The following PLPPR5 variants were observed in gnomAD, a reference collection of about 807,000 sequenced individuals.
The protein encoded by PLPPR5 is phospholipid phosphatase related 5.
PLPPR5 carries 16 observed loss-of-function variants against 33.9 expected under a neutral mutation model. The ratio of observed to expected loss-of-function variants is 0.47; its 90% confidence interval spans 0.32 to 0.72. The LOEUF is 0.72. PLPPR5 is among the 30% of genes least tolerant of loss of function. The probability of loss-of-function intolerance (pLI) is 0.03; values close to 1 mark genes in which losing one functional copy is unlikely to be tolerated. For missense variants in PLPPR5, 301 were observed against 406.7 expected (o/e 0.74, Z 2.23); for synonymous variants, 163 against 150.3 (o/e 1.08, Z -0.62).
intron 3 of PLPPR5, among the ~76,000 whole-genome samples, chr1:98,927,681 A>T (rs1488077864): frequency 6.6e-6 from 1 of 152,126 alleles, no homozygotes; most frequent in Non-Finnish European, 1.5e-5. Context: ...TGTTATCTCC[A>T]CAACCTCTCT....
rs1250623186 is a variant in PLPPR5, at chr1:98,892,359, GAGA to G, written c.*710_*712del. ...TCATGAATTAAGCCACAATTGTCAG[GAGA>G]AGAAGTCCAAATAAATAATTTTTAA... is the stretch of plus-strand genomic sequence containing the variant. On this transcript the variant is annotated 3_prime_UTR_variant, in exon 6 of 6. Coordinates refer to ENST00000263177, the MANE Select transcript of PLPPR5 (RefSeq NM_001037317.2). 6.6e-6 allele frequency: 1 copy of G among 152,320 alleles called. No individual in the cohort carries two copies. The highest frequency in any genetic ancestry group is 6.6e-5 in the Admixed American group (1 of 15,216). 9.4% of individuals were successfully genotyped at this position (152,320 alleles called of 1,614,324 possible). A position where few individuals can be genotyped will look rare whatever the true frequency, so the allele number is the denominator to read the frequency against.
chr1:98,985,979 AGTTT>A (rs1409987745), intron 1 of PLPPR5, among the ~76,000 whole-genome samples: 10 of 152,206 alleles, frequency 6.6e-5, no homozygotes, highest in Non-Finnish European at 1.3e-4. Flanking sequence ...TTCAATGGCT[AGTTT>A]GTTTAAGGAA....
At position 98,954,208 on chromosome 1, in the gene PLPPR5, C is replaced by T. The variant is rs141124158; in HGVS notation, c.371-888G>A. ...TGTTAAAACTTATTTTTCTATTATA[C>T]GGGCAAAATAATTTTTGGCATTAAT... On this transcript the variant is annotated intron_variant, in intron 2 of 5. Coordinates refer to ENST00000263177, the MANE Select transcript of PLPPR5 (RefSeq NM_001037317.2). 7.1e-4 allele frequency among the ~76,000 whole-genome samples: 108 copies of T among 152,108 alleles called. 1 individual carries two copies. The highest frequency in any genetic ancestry group is 7.8e-4 in the Non-Finnish European group (53 of 67,958).
chr1:98,896,696 T>C (rs1648487119), intron 5 of PLPPR5, among the ~76,000 whole-genome samples: 1 of 152,052 alleles, frequency 6.6e-6, no homozygotes, highest in South Asian at 2.1e-4. Context: ...AGCAAACACG[T>C]TTCTGGGAAG....
chr1:98,922,782 G>A (rs563702821), intron 3 of PLPPR5, among the ~76,000 whole-genome samples: 3 of 152,168 alleles, frequency 2.0e-5, no homozygotes, highest in East Asian at 1.9e-4. Context: ...TCAGGAGATC[G>A]AGACCATCCT....
chr1:98,972,036 G>T (rs763383088), intron 1 of PLPPR5, among the ~76,000 whole-genome samples: 4 of 151,982 alleles, frequency 2.6e-5, no homozygotes, highest in Non-Finnish European at 5.9e-5. Flanking sequence ...TGCCACCTCT[G>T]ACTTAACTAT....
At chr1:98,901,196 C>T (rs989207506) in intron 5 of PLPPR5, among the ~76,000 whole-genome samples, 4 of 152,020 alleles carry the variant, frequency 2.6e-5, no homozygotes, top group African/African-American at 9.7e-5. Context: ...ATAAGTCAGA[C>T]TCAAAAACTC....
At chr1:98,907,814 A>G (rs539800148) in intron 5 of PLPPR5, among the ~76,000 whole-genome samples, 27 of 152,148 alleles carry the variant, frequency 1.8e-4, no homozygotes, top group Non-Finnish European at 3.4e-4. Context: ...CTTTGTTTCT[A>G]TACAATTTTT....
chr1:98,975,805 AAAT>A (rs1323461878), intron 1 of PLPPR5, among the ~76,000 whole-genome samples: 1 of 152,016 alleles, frequency 6.6e-6, no homozygotes, highest in Non-Finnish European at 1.5e-5. Context: ...AACAAGGAAT[AAAT>A]AATATGTCCT....
upstream of PLPPR5, chr1:99,005,120 G>A (rs1321394559): frequency 2.0e-5 from 3 of 152,382 alleles, no homozygotes; most frequent in Admixed American, 2.0e-4. Context: ...ACCCCTCACA[G>A]GGCGGACGCT....
chr1:98,960,383 T>C (rs998128383), intron 1 of PLPPR5, among the ~76,000 whole-genome samples: 1 of 152,018 alleles, frequency 6.6e-6, no homozygotes, highest in Non-Finnish European at 1.5e-5. Flanking sequence ...TTTGTATTTT[T>C]AGTAGAGATG....
chr1:98,933,848 T>C (rs1287494171), intron 3 of PLPPR5, among the ~76,000 whole-genome samples: 1 of 152,168 alleles, frequency 6.6e-6, no homozygotes, highest in African/African-American at 2.4e-5. Flanking sequence ...AGGCAAGATT[T>C]GGGCAACGTG....
At chr1:98,929,888 C>A (rs1187291939) in intron 3 of PLPPR5, among the ~76,000 whole-genome samples, 3 of 152,054 alleles carry the variant, frequency 2.0e-5, no homozygotes, top group African/African-American at 7.2e-5. Context: ...TTTCCATACA[C>A]CAGATAGAAA....
intron 3 of PLPPR5, among the ~76,000 whole-genome samples, chr1:98,945,487 C>T (rs915620628): frequency 6.6e-6 from 1 of 152,060 alleles, no homozygotes; most frequent in African/African-American, 2.4e-5. Flanking sequence ...AATGGGGGTA[C>T]CTTCCAGGAG....
At chr1:98,896,937 AC>A (rs1648498848) in intron 5 of PLPPR5, among the ~76,000 whole-genome samples, 1 of 152,146 alleles carries the variant, frequency 6.6e-6, no homozygotes, top group East Asian at 1.9e-4. Context: ...CACTCAATCA[AC>A]AAATAAGGGG....
rs145515564 is a variant in PLPPR5, at chr1:98,909,000, T to A, written c.933+5786A>T. On this transcript the variant is annotated intron_variant, in intron 5 of 5. Coordinates refer to ENST00000263177, the MANE Select transcript of PLPPR5 (RefSeq NM_001037317.2). ...AATAATTGAAAAAATTTTTAAAAGA[T>A]AATGATTTTCAGTCATAAAATTATT... Among the ~76,000 whole-genome samples, 370 of 151,928 alleles carry A rather than the reference T, an allele frequency of 2.4e-3. 3 individuals carry two copies. Among genetic ancestry groups the A allele is most frequent in the African/African-American group, 8.5e-3 (351 of 41,402 alleles).
intron 5 of PLPPR5, among the ~76,000 whole-genome samples, chr1:98,909,396 C>T (rs137877649): frequency 0.014 from 2,045 of 150,552 alleles, 19 homozygotes; most frequent in Non-Finnish European, 0.017. Flanking sequence ...GATGGTATTT[C>T]GCATAATTGA....
intron 5 of PLPPR5, among the ~76,000 whole-genome samples, chr1:98,903,122 CT>C (rs368918582): frequency 6.6e-6 from 1 of 151,862 alleles, no homozygotes; most frequent in African/African-American, 2.4e-5. Context: ...TTTCAATTTC[CT>C]TTTTTTAAAC....
intron 5 of PLPPR5, among the ~76,000 whole-genome samples, chr1:98,906,660 G>T (rs1454044988): frequency 6.6e-6 from 1 of 152,120 alleles, no homozygotes; most frequent in Non-Finnish European, 1.5e-5. Context: ...GCTAACAACT[G>T]GGAACAATAC....
Sources: allele counts gnomAD v4.1 joint callset (sites outside exome capture counted in the v4.1 genomes callset), GRCh38; gene constraint gnomAD v4.1.1; transcripts MANE v1.5; gene names NCBI Gene and HGNC (gene_info 2026-07-23, HGNC 2026-07-21).